The following PPP2R2C variants were observed in gnomAD, a reference collection of about 807,000 sequenced individuals.
The protein encoded by PPP2R2C is protein phosphatase 2 regulatory subunit Bgamma, also known as protein phosphatase 2, regulatory subunit B, gamma.
A neutral mutation model predicts 45.3 loss-of-function variants in PPP2R2C; 10 were observed. The observed-to-expected ratio is 0.22, with a 90% CI of 0.14 to 0.37. The LOEUF (loss-of-function observed/expected upper bound fraction) is 0.37, where lower values mean the gene tolerates loss of function less well. Among genes scored for constraint, PPP2R2C ranks in the 10% least tolerant of loss-of-function variants. The probability of loss-of-function intolerance (pLI) is 1.00; values close to 1 mark genes in which losing one functional copy is unlikely to be tolerated. For missense variants in PPP2R2C, 308 were observed against 619.7 expected (o/e 0.50, Z 5.34); for synonymous variants, 257 against 245.4 (o/e 1.05, Z -0.44).
intron 1 of PPP2R2C, among the ~76,000 whole-genome samples, chr4:6,541,278 G>C (rs370293881): frequency 1.3e-4 from 20 of 152,112 alleles, no homozygotes; most frequent in African/African-American, 3.9e-4. Context: ...AGGAAGAATG[G>C]ATATTGGGAA....
chr4:6,389,258 A>G (rs144466633), intron 1 of PPP2R2C, among the ~76,000 whole-genome samples: 2 of 152,324 alleles, frequency 1.3e-5, no homozygotes, highest in Non-Finnish European at 2.9e-5. Context: ...AGGCCTGCAG[A>G]CAGGAGATGA....
intron 1 of PPP2R2C, among the ~76,000 whole-genome samples, chr4:6,549,348 A>G (rs551367478): frequency 2.6e-5 from 4 of 151,210 alleles, no homozygotes; most frequent in Admixed American, 2.6e-4. Flanking sequence ...ATTTCATTCC[A>G]GAGCTTTGCA....
At chr4:6,434,410 G>C (rs1719791350) in intron 1 of PPP2R2C, among the ~76,000 whole-genome samples, 1 of 133,966 alleles carries the variant, frequency 7.5e-6, no homozygotes, top group Admixed American at 8.4e-5. Context: ...CCAGGCTAGA[G>C]TGCAGTGGCG....
intron 1 of PPP2R2C, among the ~76,000 whole-genome samples, chr4:6,459,388 G>T (rs1180836208): frequency 6.6e-6 from 1 of 152,154 alleles, no homozygotes. Flanking sequence ...AAGCTACACG[G>T]TGTCACCTCC....
intron 2 of PPP2R2C, among the ~76,000 whole-genome samples, chr4:6,532,407 C>A (rs1724434304): frequency 6.6e-6 from 1 of 152,200 alleles, no homozygotes; most frequent in Non-Finnish European, 1.5e-5. Flanking sequence ...AATTCCTGCC[C>A]ATCCCAGACC....
At chr4:6,417,090 G>C (rs1167106146) in intron 1 of PPP2R2C, among the ~76,000 whole-genome samples, 2 of 152,238 alleles carry the variant, frequency 1.3e-5, no homozygotes, top group African/African-American at 4.8e-5. Flanking sequence ...AGCACCGGCA[G>C]CTGGGCAGTG....
At chr4:6,526,456 G>C (rs1724212797) in intron 2 of PPP2R2C, among the ~76,000 whole-genome samples, 1 of 152,250 alleles carries the variant, frequency 6.6e-6, no homozygotes, top group Non-Finnish European at 1.5e-5. Context: ...TGATGAAAAT[G>C]TTCTGGGCCT....
rs536240406 is a variant in PPP2R2C at position 6,364,047 on chromosome 4, C to A, written c.625+8476G>T. Among the ~76,000 whole-genome samples, 3 of 152,300 alleles carry A rather than the reference C, an allele frequency of 2.0e-5. No individual in the cohort carries two copies. In the East Asian group the frequency reaches 5.8e-4, roughly 29 times the overall value. ...CAGGCATTATTCCAGGTAGATCAAACAAGGTCCCTGCTCTCAAGAAGCTGC... is the reference window on the plus strand; with the variant it reads ...CAGGCATTATTCCAGGTAGATCAAAAAAGGTCCCTGCTCTCAAGAAGCTGC... On this transcript the variant is annotated intron_variant, in intron 5 of 8. Coordinates refer to ENST00000382599, the MANE Select transcript of PPP2R2C (RefSeq NM_020416.4). This position sits in a 1 kb window ranked among gnomAD's most constrained non-coding sequence, Gnocchi z 5.3.
intron 1 of PPP2R2C, among the ~76,000 whole-genome samples, chr4:6,415,756 T>C (rs771104567): frequency 3.3e-5 from 5 of 152,164 alleles, no homozygotes; most frequent in Admixed American, 6.5e-5. Flanking sequence ...GGTCATCCAG[T>C]CTAACCCTCT....
intron 2 of PPP2R2C, among the ~76,000 whole-genome samples, chr4:6,534,204 C>CAT (rs1257805379): frequency 6.8e-6 from 1 of 147,090 alleles, no homozygotes; most frequent in Non-Finnish European, 1.5e-5. Flanking sequence ...ACAACACACA[C>CAT]CAACACATAC....
intron 1 of PPP2R2C, among the ~76,000 whole-genome samples, chr4:6,537,744 G>T (rs534055312): frequency 1.3e-5 from 2 of 151,976 alleles, no homozygotes; most frequent in Non-Finnish European, 2.9e-5. Context: ...AAGAGACGGG[G>T]TTTCACTATG....
intron 1 of PPP2R2C, among the ~76,000 whole-genome samples, chr4:6,404,462 A>G (rs891202992): frequency 6.6e-6 from 1 of 152,222 alleles, no homozygotes; most frequent in African/African-American, 2.4e-5. Flanking sequence ...AGCACTTTGC[A>G]GATACAAAGT....
intron 1 of PPP2R2C, among the ~76,000 whole-genome samples, chr4:6,540,045 C>T (rs1196486735): frequency 6.6e-6 from 1 of 152,228 alleles, no homozygotes; most frequent in Non-Finnish European, 1.5e-5. Flanking sequence ...AAAGCATATG[C>T]AGTCTTTAAT....
chr4:6,401,805 C>T (rs1336709128), intron 1 of PPP2R2C, among the ~76,000 whole-genome samples: 1 of 152,172 alleles, frequency 6.6e-6, no homozygotes, highest in Non-Finnish European at 1.5e-5. Context: ...ATCTTCCTGT[C>T]GCTCAAAGGG....
intron 1 of PPP2R2C, among the ~76,000 whole-genome samples, chr4:6,441,507 G>A (rs752892814): frequency 1.3e-5 from 2 of 152,066 alleles, no homozygotes; most frequent in South Asian, 2.1e-4. Context: ...CCCCACACAC[G>A]AGCACTCTCT....
chr4:6,342,845 G>C (rs1005500819), intron 6 of PPP2R2C, among the ~76,000 whole-genome samples: 2 of 152,216 alleles, frequency 1.3e-5, no homozygotes, highest in African/African-American at 4.8e-5. Context: ...TGATAGAGGA[G>C]GGGTCCAGGG....
rs34292067 is a variant in PPP2R2C, at chr4:6,434,359, C to CTTTTTTTTTTTTTTT, written c.70+37786_70+37800dup. Among the ~76,000 whole-genome samples the CTTTTTTTTTTTTTTT allele has an allele frequency of 2.2e-3, 259 of 116,006 alleles. 5 individuals carry two copies. Among genetic ancestry groups the CTTTTTTTTTTTTTTT allele is most frequent in the Non-Finnish European group, 3.0e-3 (174 of 58,536 alleles). 76.1% of individuals were successfully genotyped at this position (116,006 alleles called of 152,430 possible). Reference sequence around the variant, plus strand: ...CACCTGCGTATTTCTTTTTTCTTTTCTTTTTTTTTTTTTTTTGGAGACAGA... The same window carrying CTTTTTTTTTTTTTTT: ...CACCTGCGTATTTCTTTTTTCTTTTCTTTTTTTTTTTTTTTTTTTTTTTTTTTTTTTGGAGACAGA... On this transcript the variant is annotated intron_variant, in intron 1 of 8. Coordinates refer to ENST00000382599, the MANE Select transcript of PPP2R2C (RefSeq NM_020416.4).
intron 1 of PPP2R2C, chr4:6,413,914 T>C: frequency 6.5e-7 from 1 of 1,536,152 alleles, no homozygotes; most frequent in African/African-American, 1.4e-5. Context: ...CGTGTCTCTC[T>C]TTCCCATCAG....
At chr4:6,374,783 AG>A (rs1249511680) in intron 4 of PPP2R2C, among the ~76,000 whole-genome samples, 2 of 152,136 alleles carry the variant, frequency 1.3e-5, no homozygotes, top group Non-Finnish European at 2.9e-5. Context: ...CCCAAGGGCT[AG>A]CCCGGGGCCT....
Sources: allele counts gnomAD v4.1 joint callset (sites outside exome capture counted in the v4.1 genomes callset), GRCh38; gene constraint gnomAD v4.1.1; non-coding constraint Gnocchi (gnomAD v3.1); transcripts MANE v1.5; gene names NCBI Gene and HGNC (gene_info 2026-07-23, HGNC 2026-07-21).